Variants in TBCK observed in about 807,000 individuals in gnomAD.
TBCK encodes the protein TBC domain-containing protein kinase-like protein.
Under a neutral mutation model 113.4 loss-of-function variants are expected in TBCK, and 99 were observed. The observed-to-expected ratio is 0.87, with a 90% CI of 0.74 to 1.03. The LOEUF is 1.03. Ranked by LOEUF, TBCK falls within the 50% of genes least tolerant of loss-of-function variation. The pLI, the probability that TBCK is intolerant of heterozygous loss-of-function variation, is 0.00. For missense variants in TBCK, 1,045 were observed against 1,061.3 expected (o/e 0.98, Z 0.21); for synonymous variants, 369 against 370.8 (o/e 1.00, Z 0.05).
intron 5 of TBCK, among the ~76,000 whole-genome samples, chr4:106,255,407 G>A (rs1173028921): frequency 6.6e-6 from 1 of 152,234 alleles, no homozygotes; most frequent in Non-Finnish European, 1.5e-5. Flanking sequence ...GTGTATGAGT[G>A]AGTGTGGGGT....
intron 24 of TBCK, among the ~76,000 whole-genome samples, chr4:106,107,549 A>G (rs568430719): frequency 1.3e-5 from 2 of 152,350 alleles, no homozygotes; most frequent in East Asian, 3.9e-4. Flanking sequence ...TGGGTAAAAA[A>G]TAAAAGGCAG....
intron 23 of TBCK, among the ~76,000 whole-genome samples, chr4:106,166,791 AATAC>A (rs1435996275): frequency 2.6e-5 from 4 of 151,720 alleles, no homozygotes; most frequent in Non-Finnish European, 4.4e-5. Context: ...GTAATAATAT[AATAC>A]ATTATCACAA....
intron 20 of TBCK, among the ~76,000 whole-genome samples, chr4:106,198,457 T>C (rs944926857): frequency 2.0e-5 from 3 of 152,108 alleles, no homozygotes; most frequent in African/African-American, 4.8e-5. Flanking sequence ...AACACACTAC[T>C]TTCCTAACGA....
At chr4:106,094,590 G>A (rs1740700784) in intron 25 of TBCK, among the ~76,000 whole-genome samples, 1 of 152,126 alleles carries the variant, frequency 6.6e-6, no homozygotes, top group Non-Finnish European at 1.5e-5. Context: ...GTACAATCAA[G>A]GCAAATATTT....
At chr4:106,300,327 C>A (rs1766806235) in intron 2 of TBCK, among the ~76,000 whole-genome samples, 1 of 152,040 alleles carries the variant, frequency 6.6e-6, no homozygotes, top group Admixed American at 6.5e-5. Flanking sequence ...CTGAAGAGAA[C>A]ACACATTTAA....
intron 3 of TBCK, among the ~76,000 whole-genome samples, chr4:106,273,467 T>C (rs935505775): frequency 6.6e-6 from 1 of 152,236 alleles, no homozygotes; most frequent in Non-Finnish European, 1.5e-5. Flanking sequence ...GTTTATTTGC[T>C]GGTTAGCTTG....
intron 24 of TBCK, among the ~76,000 whole-genome samples, chr4:106,097,585 G>A (rs1449625996): frequency 6.6e-6 from 1 of 152,036 alleles, no homozygotes; most frequent in Non-Finnish European, 1.5e-5. Flanking sequence ...TATATAAGTT[G>A]GATAATGAAG....
intron 24 of TBCK, among the ~76,000 whole-genome samples, chr4:106,100,642 T>A (rs1741449075): frequency 6.6e-6 from 1 of 152,172 alleles, no homozygotes; most frequent in Non-Finnish European, 1.5e-5. Context: ...CCCTCATCCA[T>A]CCTCTACAAT....
chr4:106,133,522 A>G (rs183091948), intron 23 of TBCK, among the ~76,000 whole-genome samples: 142 of 152,362 alleles, frequency 9.3e-4, no homozygotes, highest in African/African-American at 3.3e-3. Flanking sequence ...ACAGGCTTTC[A>G]TGCATTCAAG....
Position 106,247,157 on chromosome 4 carries a change from T to A in TBCK, c.913A>T (p.Ile305Phe), listed in dbSNP as rs759058439. Residue 305 changes from isoleucine to phenylalanine, a missense_variant, in exon 10 of 26, where the codon ATC (isoleucine) becomes TTC (phenylalanine). By Grantham distance (21) the Ile-to-Phe change is conservative. Transcript: ENST00000394708. ...TCATTACCTTTACACAACTGACTGA[T>A]ATCCTCAGGCAGAGTTAAATCAGCA... ...RCADLTLPED[I>F]SQLCKDINND... The A allele has an allele frequency of 1.3e-5, 21 of 1,612,952 alleles. 1 individual carries two copies. In the South Asian group the frequency reaches 2.2e-4, roughly 17 times the overall value.
At position 106,122,202 on chromosome 4, in the gene TBCK, G is replaced by A. The variant is rs572356617; in HGVS notation, c.2236-5824C>T. Among the ~76,000 whole-genome samples, 21 of 151,784 alleles carry A rather than the reference G, an allele frequency of 1.4e-4. No homozygotes were observed. The East Asian group carries it at 2.3e-3, about 17-fold the overall frequency. ...AAATGATAAAGGGGATATCACCACCGATCCCACAGAAATACAAACTACCAT... is the reference window on the plus strand; with the variant it reads ...AAATGATAAAGGGGATATCACCACCAATCCCACAGAAATACAAACTACCAT... On this transcript the variant is annotated intron_variant, in intron 23 of 25. Coordinates refer to ENST00000394708, the MANE Select transcript of TBCK (RefSeq NM_001163435.3).
chr4:106,279,899 T>G (rs75914005), intron 3 of TBCK, among the ~76,000 whole-genome samples: 2,634 of 152,192 alleles, frequency 0.017, 34 homozygotes, highest in Middle Eastern at 0.099. Context: ...AATATGGGAG[T>G]GAAGATACCT....
intron 22 of TBCK, among the ~76,000 whole-genome samples, chr4:106,178,867 C>T (rs1261967138): frequency 6.6e-6 from 1 of 151,710 alleles, no homozygotes; most frequent in African/African-American, 2.4e-5. Context: ...CACTGCTGGA[C>T]TTTTCTTTGA....
intron 25 of TBCK, among the ~76,000 whole-genome samples, chr4:106,055,670 C>T (rs1025399903): frequency 2.9e-4 from 43 of 150,852 alleles, no homozygotes; most frequent in African/African-American, 1.0e-3. Context: ...TTGTAAATTT[C>T]TTCTACTAAT....
chr4:106,105,488 G>C (rs559643297), intron 24 of TBCK, among the ~76,000 whole-genome samples: 2 of 152,206 alleles, frequency 1.3e-5, no homozygotes, highest in South Asian at 2.1e-4. Flanking sequence ...AGGCACTCAA[G>C]GGGGAGAGGA....
chr4:106,285,745 G>A (rs55710349), intron 3 of TBCK, among the ~76,000 whole-genome samples: 20,598 of 152,158 alleles, frequency 0.14, 1,652 homozygotes, highest in South Asian at 0.24. Context: ...AATCACAAAT[G>A]TCAAGTTGCA....
At chr4:106,228,798 C>T (rs997825809) in intron 19 of TBCK, among the ~76,000 whole-genome samples, 1 of 151,840 alleles carries the variant, frequency 6.6e-6, no homozygotes, top group African/African-American at 2.4e-5. Flanking sequence ...GGTTTACTTT[C>T]AGTTTATTGA....
intron 22 of TBCK, among the ~76,000 whole-genome samples, chr4:106,189,360 G>GAAAA (rs1276883039): frequency 9.1e-6 from 1 of 109,422 alleles, no homozygotes; most frequent in African/African-American, 3.8e-5. Context: ...AAAAAAAAAA[G>GAAAA]AAAAATAGAC....
intron 19 of TBCK, among the ~76,000 whole-genome samples, chr4:106,223,004 T>C (rs965299893): frequency 1.3e-5 from 2 of 152,140 alleles, no homozygotes; most frequent in Non-Finnish European, 2.9e-5. Context: ...TTAATAGTTA[T>C]CATAATAATA....
Sources: gnomAD v4.1 joint callset for allele counts (sites outside exome capture counted in the v4.1 genomes callset) on GRCh38, gnomAD v4.1.1 for gene constraint, MANE v1.5 for transcripts, NCBI Gene and HGNC (gene_info 2026-07-23, HGNC 2026-07-21) for gene names.